Variants in IQSEC3 observed in about 807,000 individuals in gnomAD.
IQSEC3 encodes the protein IQ motif and SEC7 domain-containing protein 3.
A neutral mutation model predicts 105.4 loss-of-function variants in IQSEC3; 50 were observed. That is an observed-to-expected ratio of 0.47 (90% CI 0.38 to 0.60). The LOEUF is 0.60. IQSEC3 is among the 20% of genes least tolerant of loss of function. IQSEC3 has a pLI of 0.00. For missense variants in IQSEC3, 1,415 were observed against 1,630.0 expected (o/e 0.87, Z 2.27); for synonymous variants, 708 against 746.0 (o/e 0.95, Z 0.83).
rs566568267 is a variant in IQSEC3 at position 173,067 on chromosome 12, G to A, written c.3115-1532G>A. 3.9e-5 allele frequency among the ~76,000 whole-genome samples: 6 copies of A among 152,328 alleles called. No homozygotes were observed. The East Asian group carries it at 9.7e-4, about 25-fold the overall frequency. ...CACAAGCCCGTCCTGGCTGTCTCAGGCCCCGTGTCTCCTGGGGAGGAATTC... is the reference window on the plus strand; with the variant it reads ...CACAAGCCCGTCCTGGCTGTCTCAGACCCCGTGTCTCCTGGGGAGGAATTC... On this transcript the variant is annotated intron_variant, in intron 13 of 13. Transcript: ENST00000538872.
chr12:74,888 T>C (rs558153755), intron 1 of IQSEC3, among the ~76,000 whole-genome samples: 162 of 152,398 alleles, frequency 1.1e-3, no homozygotes, highest in African/African-American at 3.7e-3. Context: ...GGTTTAGAGC[T>C]CAGATTCTCT....
At position 99,090 on chromosome 12, in the gene IQSEC3, AG is replaced by A. The variant is rs553698436; in HGVS notation, c.555-53del. 4.1e-5 allele frequency: 61 copies of A among 1,485,198 alleles called. No individual in the cohort carries two copies. The East Asian group carries it at 1.3e-3, about 31-fold the overall frequency. 92.0% of individuals were successfully genotyped at this position (1,485,198 alleles called of 1,614,324 possible). A position where few individuals can be genotyped will look rare whatever the true frequency, so the allele number is the denominator to read the frequency against. On this transcript the variant is annotated intron_variant, in intron 1 of 13. Coordinates refer to ENST00000538872, the MANE Select transcript of IQSEC3 (RefSeq NM_001170738.2). ...GGGCAGAAATGCTTTAGTGTCAGGC[AG>A]GGCGGGGACCCAGCCTGCCTCAGGC...
chr12:126,348 G>A (rs371087672), intron 3 of IQSEC3, among the ~76,000 whole-genome samples: 154 of 152,338 alleles, frequency 1.0e-3, no homozygotes, highest in Non-Finnish European at 5.6e-4. Context: ...TGGTCTCCTC[G>A]AAGCAGACAG....
intron 3 of IQSEC3, 22 bp downstream of exon 3, chr12:125,934 G>A (rs1393179389): frequency 5.9e-6 from 9 of 1,526,716 alleles, no homozygotes; most frequent in Non-Finnish European, 7.9e-6. Context: ...CTCCTAGGGG[G>A]GCGGGGAGGG....
At chr12:174,550 G>C in intron 13 of IQSEC3, 49 bp from the exon 14 acceptor site, 1 of 1,475,510 alleles carries the variant, frequency 6.8e-7, no homozygotes, top group South Asian at 1.4e-5. Context: ...CTAGCAGCTG[G>C]GAATTAGTCT....
chr12:113,197 G>C (rs782757973), intron 2 of IQSEC3, among the ~76,000 whole-genome samples: 3 of 152,180 alleles, frequency 2.0e-5, no homozygotes, highest in Non-Finnish European at 4.4e-5. Flanking sequence ...AATGATGAGG[G>C]TTTTAACAAC....
Position 174,905 on chromosome 12 carries a change from G to C in IQSEC3, c.3421G>C (p.Val1141Leu). ...ACCCCTGGGCGGTCCCGGCTCTCCG[G>C]TCAAGGTCACCCACCAGCCTCCGCT... ...STPLGGPGSP[V>L]KVTHQPPLPP... The change falls in exon 14 of 14, where the codon GTC (valine) becomes CTC (leucine). Residue 1141 changes from valine (V) to leucine (L), a missense_variant. Around this residue, in one of 6 missense-constraint regions of IQSEC3, gnomAD observed 419 missense variants for 436.2 expected, o/e 0.96. Coordinates refer to ENST00000538872, the MANE Select transcript of IQSEC3 (RefSeq NM_001170738.2). 6 of 1,560,166 alleles carry C rather than the reference G, an allele frequency of 3.8e-6. No individual in the cohort carries two copies. The highest frequency in any genetic ancestry group is 5.2e-6 in the Non-Finnish European group (6 of 1,161,182).
At position 165,444 on chromosome 12, in the gene IQSEC3, T is replaced by C. The variant is rs1555097949; in HGVS notation, c.2720T>C (p.Leu907Pro). 1 of 1,614,072 alleles carries C rather than the reference T, an allele frequency of 6.2e-7. No individual in the cohort carries two copies. Among genetic ancestry groups the C allele is most frequent in the Non-Finnish European group, 8.5e-7 (1 of 1,179,964 alleles). ...LFNDLLVILK[L>P]CPKKKSSSTY... ...CCCTCTCCTGAACAGATTCTCAAACTTTGCCCGAAGAAGAAGAGCTCCTCC... is the reference window on the plus strand; with the variant it reads ...CCCTCTCCTGAACAGATTCTCAAACCTTGCCCGAAGAAGAAGAGCTCCTCC... The change falls in exon 10 of 14, where the codon CTT becomes CCT. Residue 907 changes from leucine to proline, a missense_variant. Leu to Pro is a moderately conservative substitution (Grantham distance 98). Transcript: ENST00000538872.
At chr12:121,974 G>A (rs868942435) in intron 2 of IQSEC3, among the ~76,000 whole-genome samples, 1 of 152,158 alleles carries the variant, frequency 6.6e-6, no homozygotes, top group Middle Eastern at 3.2e-3. Flanking sequence ...CACCAAAGCC[G>A]TGTATGTTCT....
intron 13 of IQSEC3, among the ~76,000 whole-genome samples, chr12:173,472 T>C (rs759845325): frequency 5.3e-5 from 8 of 152,096 alleles, no homozygotes; most frequent in Non-Finnish European, 1.2e-4. Context: ...GAGGAAATGC[T>C]AGTTTAGGGC....
intron 7 of IQSEC3, 122 bp downstream of exon 7, chr12:157,816 C>T: frequency 9.0e-7 from 1 of 1,112,482 alleles, no homozygotes; most frequent in Non-Finnish European, 1.3e-6. Flanking sequence ...TGGGCCTGGT[C>T]ACCCATAGCA....
At chr12:110,766 C>T (rs1482136911) in intron 2 of IQSEC3, among the ~76,000 whole-genome samples, 2 of 152,068 alleles carry the variant, frequency 1.3e-5, no homozygotes, top group East Asian at 1.9e-4. Context: ...CCCAGAGTGG[C>T]CTCATTTTCT....
chr12:140,333 C>T (rs1179589908), intron 4 of IQSEC3: 1 of 152,184 alleles, frequency 6.6e-6, no homozygotes, highest in Non-Finnish European at 1.5e-5. Context: ...ACCAGTAAGG[C>T]GAAATGCACA....
chr12:73,267 G>A (rs1287750348), intron 1 of IQSEC3, among the ~76,000 whole-genome samples: 6 of 152,170 alleles, frequency 3.9e-5, no homozygotes, highest in South Asian at 2.1e-4. Flanking sequence ...GTGAGACGTC[G>A]CCTTCACTGT....
chr12:141,438 C>T (rs969009342), intron 5 of IQSEC3, 153 bp downstream of exon 5: 43 of 791,508 alleles, frequency 5.4e-5, no homozygotes, highest in Middle Eastern at 3.7e-4. Flanking sequence ...CTCTTTAGCC[C>T]ATCACCCCAG....
chr12:165,379 A>G, intron 9 of IQSEC3, 55 bp from the exon 10 acceptor site: 2 of 1,364,202 alleles, frequency 1.5e-6, no homozygotes, highest in South Asian at 2.3e-5. Flanking sequence ...TTGTGCATCC[A>G]TGTGTCCGTG....
At chr12:75,952 C>G (rs1555068922) in intron 1 of IQSEC3, among the ~76,000 whole-genome samples, 1 of 152,214 alleles carries the variant, frequency 6.6e-6, no homozygotes, top group Non-Finnish European at 1.5e-5. Flanking sequence ...AGACTGCCCC[C>G]GGCAATAAAC....
chr12:166,115 A>G, intron 11 of IQSEC3: 1 of 545,808 alleles, frequency 1.8e-6, no homozygotes, highest in South Asian at 2.7e-5. Context: ...ACGTGTGTAC[A>G]CAGATCAGCA....
chr12:137,981 C>T (rs1433021949), intron 3 of IQSEC3, among the ~76,000 whole-genome samples: 1 of 152,110 alleles, frequency 6.6e-6, no homozygotes, highest in East Asian at 1.9e-4. Flanking sequence ...TTTTGTAATA[C>T]CCGCCACAGC....
Sources: allele counts gnomAD v4.1 joint callset (sites outside exome capture counted in the v4.1 genomes callset), GRCh38; gene constraint gnomAD v4.1.1; regional missense constraint gnomAD v4.1.1; transcripts MANE v1.5; gene names NCBI Gene and HGNC (gene_info 2026-07-23, HGNC 2026-07-21).